Variants in ACSS3 observed in about 807,000 individuals in gnomAD.
ACSS3 encodes acyl-CoA synthetase short chain family member 3.
Under a neutral mutation model 84.2 loss-of-function variants are expected in ACSS3, and 64 were observed. The ratio of observed to expected loss-of-function variants is 0.76; its 90% CI spans 0.62 to 0.94. The LOEUF is 0.94. Among genes scored for constraint, ACSS3 ranks in the 40% least tolerant of loss-of-function variants. The probability of loss-of-function intolerance (pLI) is 0.00; values close to 1 mark genes in which losing one functional copy is unlikely to be tolerated. For missense variants in ACSS3, 815 were observed against 867.6 expected (o/e 0.94, Z 0.76); for synonymous variants, 317 against 310.1 (o/e 1.02, Z -0.23).
chr12:81,147,516 C>T (rs1193314864), intron 5 of ACSS3, among the ~76,000 whole-genome samples: 2 of 152,072 alleles, frequency 1.3e-5, no homozygotes, highest in Non-Finnish European at 2.9e-5. Flanking sequence ...GTTTGCAGGC[C>T]CTGAGGGCTG....
intron 13 of ACSS3, among the ~76,000 whole-genome samples, chr12:81,244,132 A>T (rs534557381): frequency 1.3e-5 from 2 of 152,156 alleles, no homozygotes; most frequent in Admixed American, 1.3e-4. Context: ...CTGTAATTCT[A>T]GAATTAATGG....
intron 13 of ACSS3, among the ~76,000 whole-genome samples, chr12:81,239,881 A>G (rs2033739480): frequency 6.6e-6 from 1 of 152,044 alleles, no homozygotes; most frequent in Non-Finnish European, 1.5e-5. Context: ...ATGTGTGCAT[A>G]TATGCACATA....
chr12:81,180,635 C>G (rs985639307), intron 8 of ACSS3, among the ~76,000 whole-genome samples: 3 of 152,138 alleles, frequency 2.0e-5, no homozygotes, highest in African/African-American at 7.2e-5. Flanking sequence ...CCTGCCTCAG[C>G]CTCCCAAGTA....
intron 7 of ACSS3, among the ~76,000 whole-genome samples, chr12:81,165,612 C>T (rs530126172): frequency 6.6e-6 from 1 of 151,844 alleles, no homozygotes; most frequent in South Asian, 2.1e-4. Flanking sequence ...CACCACTGCA[C>T]TTGCAGCCTG....
intron 5 of ACSS3, among the ~76,000 whole-genome samples, chr12:81,149,782 T>G (rs1886522265): frequency 6.6e-6 from 1 of 152,178 alleles, no homozygotes. Context: ...ATTTTGACAT[T>G]TATGCCTTTT....
chr12:81,139,809 G>A (rs1025787581), intron 4 of ACSS3, among the ~76,000 whole-genome samples: 6 of 151,576 alleles, frequency 4.0e-5, no homozygotes, highest in African/African-American at 1.5e-4. Flanking sequence ...CTAATTTTTT[G>A]TATTTTTAGT....
intron 4 of ACSS3, among the ~76,000 whole-genome samples, chr12:81,139,617 T>A (rs1481018526): frequency 1.9e-4 from 13 of 68,102 alleles, no homozygotes; most frequent in African/African-American, 3.5e-4. Context: ...TATATATATA[T>A]AAAATAATAA....
intron 13 of ACSS3, among the ~76,000 whole-genome samples, chr12:81,239,581 G>A (rs563808771): frequency 3.4e-4 from 52 of 151,916 alleles, no homozygotes; most frequent in African/African-American, 1.2e-3. Context: ...CTTACATGGC[G>A]GCAGGCAAGA....
At chr12:81,254,010 A>AAAG (rs1197187966) in intron 15 of ACSS3, among the ~76,000 whole-genome samples, 2 of 152,136 alleles carry the variant, frequency 1.3e-5, no homozygotes, top group Non-Finnish European at 1.5e-5. Flanking sequence ...CTACAGCCAC[A>AAAG]AAGTTCTGAT....
intron 7 of ACSS3, among the ~76,000 whole-genome samples, chr12:81,169,246 TCAGTCTGA>T (rs1887544479): frequency 6.6e-6 from 1 of 152,200 alleles, no homozygotes; most frequent in Non-Finnish European, 1.5e-5. Flanking sequence ...ATCAAGGAAG[TCAGTCTGA>T]TCTGAATCAG....
At chr12:81,101,256 G>A (rs922412836) in intron 1 of ACSS3, among the ~76,000 whole-genome samples, 1 of 151,948 alleles carries the variant, frequency 6.6e-6, no homozygotes, top group African/African-American at 2.4e-5. Context: ...TGACTATTAA[G>A]GTAATGAGTC....
intron 2 of ACSS3, among the ~76,000 whole-genome samples, chr12:81,132,732 A>C (rs1158562785): frequency 6.6e-6 from 1 of 152,152 alleles, no homozygotes; most frequent in Non-Finnish European, 1.5e-5. Context: ...ACTGGATTAT[A>C]AAGTTACTGA....
At chr12:81,105,828 T>G (rs575296147) in intron 1 of ACSS3, among the ~76,000 whole-genome samples, 1 of 152,300 alleles carries the variant, frequency 6.6e-6, no homozygotes, top group Non-Finnish European at 1.5e-5. Flanking sequence ...GAAGGAAACA[T>G]CTGAGTGGAG....
rs201779768 is a variant in ACSS3, at chr12:81,127,457, T to A, written c.457-7359T>A. ...TCTTTTCAATGGCTGCCTGTATGTG[T>A]ACAAGTAAAACAAACAAAAATGTGT... On this transcript the variant is annotated intron_variant, in intron 2 of 15. Coordinates refer to ENST00000548058, the MANE Select transcript of ACSS3 (RefSeq NM_024560.4). 1.6e-4 allele frequency among the ~76,000 whole-genome samples: 25 copies of A among 152,288 alleles called. No homozygotes were observed. In the East Asian group the frequency reaches 2.1e-3, roughly 13 times the overall value.
chr12:81,083,303 T>A (rs899045319), intron 1 of ACSS3, among the ~76,000 whole-genome samples: 13 of 152,062 alleles, frequency 8.5e-5, no homozygotes, highest in African/African-American at 2.9e-4. Flanking sequence ...TTTGTTGGCA[T>A]TTAAATATTG....
At chr12:81,088,728 A>G (rs1881482282) in intron 1 of ACSS3, among the ~76,000 whole-genome samples, 1 of 152,010 alleles carries the variant, frequency 6.6e-6, no homozygotes, top group South Asian at 2.1e-4. Flanking sequence ...TCCTAAATAT[A>G]TTCTATTGCT....
intron 1 of ACSS3, among the ~76,000 whole-genome samples, chr12:81,107,552 ATATATAT>A (rs1883167122): frequency 9.7e-6 from 1 of 103,374 alleles, no homozygotes; most frequent in African/African-American, 3.4e-5. Flanking sequence ...ATATATATAT[ATATATAT>A]AAATGTTTTT....
chr12:81,235,279 TG>T (rs935222104), intron 13 of ACSS3, among the ~76,000 whole-genome samples: 16 of 150,416 alleles, frequency 1.1e-4, no homozygotes, highest in African/African-American at 3.9e-4. Flanking sequence ...CATTGATCTA[TG>T]TTTTTTTTAT....
intron 9 of ACSS3, among the ~76,000 whole-genome samples, chr12:81,206,327 C>T (rs1054177651): frequency 1.3e-5 from 2 of 152,094 alleles, no homozygotes; most frequent in Non-Finnish European, 2.9e-5. Flanking sequence ...TGTACTGAAC[C>T]GGCAAAACAT....
Sources: allele counts gnomAD v4.1 joint callset (sites outside exome capture counted in the v4.1 genomes callset), GRCh38; gene constraint gnomAD v4.1.1; transcripts MANE v1.5; gene names NCBI Gene and HGNC (gene_info 2026-07-23, HGNC 2026-07-21).